Variants in DNAH11 observed in about 807,000 individuals in gnomAD.
DNAH11 encodes the protein axonemal beta dynein heavy chain 11.
In DNAH11, 442 loss-of-function variants were observed where a neutral mutation model predicts 526.0. The ratio of observed to expected loss-of-function variants is 0.84; its 90% CI spans 0.78 to 0.91. The LOEUF (loss-of-function observed/expected upper bound fraction) is 0.91. DNAH11 is among the 40% of genes least tolerant of loss of function. DNAH11 has a pLI of 0.00. For missense variants in DNAH11, 6,989 were observed against 5,448.7 expected (o/e 1.28, Z -8.90); for synonymous variants, 2,461 against 1,935.9 (o/e 1.27, Z -7.12).
At chr7:21,634,610 T>A (rs77350956) in intron 25 of DNAH11, among the ~76,000 whole-genome samples, 11,153 of 152,118 alleles carry the variant, frequency 0.073, 773 homozygotes, top group Admixed American at 0.23. Context: ...GAGCTAAACA[T>A]TGAGTCCCCT....
chr7:21,602,861 G>GT (rs1214733307), intron 18 of DNAH11, among the ~76,000 whole-genome samples: 3 of 151,910 alleles, frequency 2.0e-5, no homozygotes, highest in Admixed American at 1.3e-4. Flanking sequence ...ATCAATTTCT[G>GT]TTTTTTTCTT....
At chr7:21,810,562 A>G (rs761277490) in intron 63 of DNAH11, among the ~76,000 whole-genome samples, 4 of 152,152 alleles carry the variant, frequency 2.6e-5, no homozygotes, top group Non-Finnish European at 4.4e-5. Context: ...AAATATCAAA[A>G]ATACCTGTGA....
At chr7:21,633,523 T>G (rs1184092303) in intron 25 of DNAH11, among the ~76,000 whole-genome samples, 1 of 152,234 alleles carries the variant, frequency 6.6e-6, no homozygotes, top group Non-Finnish European at 1.5e-5. Context: ...AAATCACATT[T>G]TTTAAATTTT....
At chr7:21,699,418 G>T (rs1394501898) in intron 36 of DNAH11, among the ~76,000 whole-genome samples, 1 of 151,886 alleles carries the variant, frequency 6.6e-6, no homozygotes, top group Admixed American at 6.6e-5. Context: ...TTTGACTTTT[G>T]GTCTTTTGAT....
intron 22 of DNAH11, among the ~76,000 whole-genome samples, chr7:21,616,877 A>C (rs1242523315): frequency 6.6e-6 from 1 of 152,192 alleles, no homozygotes; most frequent in Admixed American, 6.5e-5. Context: ...GGCAAAATGC[A>C]TATCAGTGAA....
chr7:21,564,042 T>G, intron 5 of DNAH11, 144 bp from the exon 6 acceptor site: 1 of 549,254 alleles, frequency 1.8e-6, no homozygotes, highest in South Asian at 3.7e-5. Flanking sequence ...GTGTAGATTG[T>G]AGGATAAGTA....
intron 54 of DNAH11, among the ~76,000 whole-genome samples, chr7:21,762,397 A>G (rs1487850631): frequency 6.6e-6 from 1 of 152,234 alleles, no homozygotes; most frequent in Non-Finnish European, 1.5e-5. Flanking sequence ...GTCAAATAAA[A>G]GATGCTTTTT....
rs77810972 is a variant in DNAH11 at position 21,726,570 on chromosome 7, G to A, written c.7440+586G>A. Among the ~76,000 whole-genome samples, 7 of 151,870 alleles carry A rather than the reference G, an allele frequency of 4.6e-5. No individual in the cohort carries two copies. The East Asian group carries it at 1.4e-3, about 30-fold the overall frequency. ...AGAGAAGAATCTCAGCTATAAGAAT[G>A]CCTAGTGATGGCCAGGCGCGGTGGT... On this transcript the variant is annotated intron_variant, in intron 45 of 81. Coordinates refer to ENST00000409508, the MANE Select transcript of DNAH11 (RefSeq NM_001277115.2).
intron 14 of DNAH11, among the ~76,000 whole-genome samples, chr7:21,594,889 T>G (rs1784811366): frequency 6.6e-6 from 1 of 152,124 alleles, no homozygotes; most frequent in South Asian, 2.1e-4. Context: ...TGAAAGACAC[T>G]GCAGAATTTT....
chr7:21,834,636 C>T (rs2128010867), intron 65 of DNAH11, among the ~76,000 whole-genome samples: 1 of 152,224 alleles, frequency 6.6e-6, no homozygotes, highest in Non-Finnish European at 1.5e-5. Flanking sequence ...AGTTTGAGAT[C>T]AACCTGGTCA....
chr7:21,561,058 T>C lies in DNAH11; in HGVS notation c.883-13T>C. ...ATATTTATTAAAGTTCTTCTTTTTT[T>C]CCTTTAACTTAGCTTCAGGCACCTG... On this transcript the variant is annotated splice_polypyrimidine_tract_variant and intron_variant, in intron 4 of 81. Transcript: ENST00000409508. 1 of 1,550,232 alleles carries C rather than the reference T, an allele frequency of 6.5e-7. No individual in the cohort carries two copies. The highest frequency in any genetic ancestry group is 1.2e-5 in the South Asian group (1 of 83,452).
At chr7:21,808,099 T>G in intron 63 of DNAH11, 50 bp downstream of exon 63, 1 of 1,334,722 alleles carries the variant, frequency 7.5e-7, no homozygotes, top group Non-Finnish European at 9.7e-7. Context: ...CACATTGAAA[T>G]TTCAGTAGTA....
chr7:21,757,755 C>G (rs1185532976), intron 54 of DNAH11, among the ~76,000 whole-genome samples: 1 of 152,118 alleles, frequency 6.6e-6, no homozygotes, highest in East Asian at 1.9e-4. Flanking sequence ...CTGAGACTCT[C>G]AACAAAAAAT....
At chr7:21,645,879 T>C (rs1220150196) in intron 28 of DNAH11, among the ~76,000 whole-genome samples, 1 of 152,152 alleles carries the variant, frequency 6.6e-6, no homozygotes, top group Non-Finnish European at 1.5e-5. Context: ...TTCATAATCT[T>C]GCACTAAGCA....
intron 28 of DNAH11, among the ~76,000 whole-genome samples, chr7:21,650,068 A>G (rs141112888): frequency 2.0e-5 from 3 of 152,198 alleles, no homozygotes; most frequent in East Asian, 3.9e-4. Flanking sequence ...TTCTGCATAT[A>G]TGTATTGCAA....
chr7:21,698,998 G>A (rs141995572), intron 36 of DNAH11, among the ~76,000 whole-genome samples: 2 of 151,592 alleles, frequency 1.3e-5, no homozygotes, highest in East Asian at 1.9e-4. Context: ...TATTTTATTT[G>A]TATTAATACT....
At position 21,610,391 on chromosome 7, in the gene DNAH11, A is replaced by G. The variant is rs375592929; in HGVS notation, c.3852+3658A>G. Among the ~76,000 whole-genome samples, 8 of 152,358 alleles carry G rather than the reference A, an allele frequency of 5.3e-5. No homozygotes were observed. The East Asian group carries it at 1.5e-3, about 29-fold the overall frequency. Reference sequence around the variant, plus strand: ...TAAGACAGGAAATTGAAATGGTTACAAGTATCTTCCTAGTAACTAGTAGAA... The same window carrying G: ...TAAGACAGGAAATTGAAATGGTTACGAGTATCTTCCTAGTAACTAGTAGAA... On this transcript the variant is annotated intron_variant, in intron 20 of 81. Coordinates refer to ENST00000409508, the MANE Select transcript of DNAH11 (RefSeq NM_001277115.2).
At chr7:21,630,631 C>G (rs1786559786) in intron 25 of DNAH11, among the ~76,000 whole-genome samples, 1 of 152,144 alleles carries the variant, frequency 6.6e-6, no homozygotes, top group African/African-American at 2.4e-5. Context: ...TTACATTTAG[C>G]ACTTTGAAAA....
intron 63 of DNAH11, among the ~76,000 whole-genome samples, chr7:21,809,929 A>T (rs1789435621): frequency 6.6e-6 from 1 of 152,182 alleles, no homozygotes; most frequent in African/African-American, 2.4e-5. Flanking sequence ...GATGGTTTCA[A>T]CAAGAACATA....
Sources: allele counts gnomAD v4.1 joint callset (sites outside exome capture counted in the v4.1 genomes callset), GRCh38; gene constraint gnomAD v4.1.1; transcripts MANE v1.5; gene names NCBI Gene and HGNC (gene_info 2026-07-23, HGNC 2026-07-21).